The following MAP3K21 variants were observed in gnomAD, a reference collection of about 807,000 sequenced individuals.
MAP3K21 encodes mitogen-activated protein kinase kinase kinase 21, also known as mitogen-activated protein kinase kinase kinase MLK4.
MAP3K21 carries 63 observed loss-of-function variants against 86.1 expected under a neutral mutation model. The ratio of observed to expected loss-of-function variants is 0.73; its 90% CI spans 0.60 to 0.90. MAP3K21 has a LOEUF of 0.90. Among genes scored for constraint, MAP3K21 ranks in the 40% least tolerant of loss-of-function variants. MAP3K21 has a pLI of 0.00. For synonymous variants in MAP3K21, 558 were observed against 564.8 expected (o/e 0.99, Z 0.17); for missense variants, 1,220 against 1,367.7 (o/e 0.89, Z 1.70).
chr1:233,375,497 T>C (rs1289970270), intron 6 of MAP3K21, among the ~76,000 whole-genome samples: 1 of 152,180 alleles, frequency 6.6e-6, no homozygotes, highest in African/African-American at 2.4e-5. Flanking sequence ...GAAATTACAA[T>C]TTAAAAATAT....
At chr1:233,337,026 G>A (rs1215512529) in intron 1 of MAP3K21, among the ~76,000 whole-genome samples, 1 of 152,200 alleles carries the variant, frequency 6.6e-6, no homozygotes, top group Non-Finnish European at 1.5e-5. Context: ...GGTGTTATTT[G>A]TGGTAGTAGG....
chr1:233,354,921 T>G lies in MAP3K21; in HGVS notation c.1221T>G (p.Thr407=), dbSNP rs1269074184. ...QLTAIEGAVM[T]EMPQESFHSM... ...CTGCTATTGAAGGGGCAGTGATGACTGAGATGCCTCAAGAATCTTTTCATT... is the reference window on the plus strand; with the variant it reads ...CTGCTATTGAAGGGGCAGTGATGACGGAGATGCCTCAAGAATCTTTTCATT... Residue 407 remains threonine (T), a synonymous_variant, in exon 4 of 10, where the codon ACT becomes ACG. Transcript: ENST00000366624. 6.2e-7 allele frequency: 1 copy of G among 1,613,812 alleles called. No homozygotes were observed. Among genetic ancestry groups the G allele is most frequent in the African/African-American group, 1.3e-5 (1 of 74,936 alleles).
rs748005318 is a variant in MAP3K21 at position 233,328,042 on chromosome 1, G to T, written c.14G>T (p.Gly5Val). The change falls in exon 1 of 10, where the codon GGC (glycine) becomes GTC (valine). Residue 5 changes from glycine (G) to valine (V), a missense_variant. Physicochemically the swap from Gly to Val is moderately radical, Grantham distance 109. Around this residue, in one of 5 missense-constraint regions of MAP3K21, gnomAD observed 369 missense variants for 385.3 expected, o/e 0.96. Coordinates refer to ENST00000366624, the MANE Select transcript of MAP3K21 (RefSeq NM_032435.3). The surrounding 1 kb of genome is among the most constrained non-coding windows in gnomAD (Gnocchi z 8.7). MALR[G>V]AAGATDTPVS... ...GCAGCTGCCCCCATGGCTTTGCGGG[G>T]CGCCGCGGGAGCGACCGACACCCCG... 1.5e-6 allele frequency: 2 copies of T among 1,308,922 alleles called. No individual in the cohort carries two copies. The allele number at this position is 1,308,922 out of a possible 1,614,324, so 81.1% of individuals were successfully genotyped here. A position where few individuals can be genotyped will look rare whatever the true frequency, so the allele number is the denominator to read the frequency against.
intron 4 of MAP3K21, among the ~76,000 whole-genome samples, chr1:233,356,875 G>A (rs1317581635): frequency 3.9e-5 from 6 of 152,126 alleles, no homozygotes; most frequent in African/African-American, 7.2e-5. Flanking sequence ...AAGTTCCCAC[G>A]ACATATTTCT....
chr1:233,339,119 G>T (rs1662968159), intron 1 of MAP3K21, among the ~76,000 whole-genome samples: 2 of 152,118 alleles, frequency 1.3e-5, no homozygotes, highest in Non-Finnish European at 2.9e-5. Flanking sequence ...AGGGAAGAAT[G>T]ATCAACCGTA....
chr1:233,354,688 T>A, intron 3 of MAP3K21, 148 bp from the exon 4 acceptor site: 2 of 669,816 alleles, frequency 3.0e-6, no homozygotes, highest in South Asian at 3.8e-5. Flanking sequence ...AATGGATTCT[T>A]AAAATCTTCA....
intron 1 of MAP3K21, among the ~76,000 whole-genome samples, chr1:233,339,409 TCCTCCTC>T (rs1662991932): frequency 1.1e-5 from 1 of 87,318 alleles, no homozygotes. Context: ...CTCCTCCTCC[TCCTCCTC>T]CTTCTCCTCC....
intron 8 of MAP3K21, among the ~76,000 whole-genome samples, chr1:233,378,180 T>C (rs1663834658): frequency 6.6e-6 from 1 of 152,206 alleles, no homozygotes; most frequent in Non-Finnish European, 1.5e-5. Flanking sequence ...AAATTAGAGA[T>C]GTTATTTGGA....
In MAP3K21 at chr1:233,359,514, G is replaced by A. The variant is rs1663427513; in HGVS notation, c.1312-2539G>A. Among the ~76,000 whole-genome samples the A allele has an allele frequency of 2.0e-5, 3 of 152,154 alleles. No individual in the cohort carries two copies. The South Asian group carries it at 6.2e-4, about 32-fold the overall frequency. On this transcript the variant is annotated intron_variant, in intron 4 of 9. Coordinates refer to ENST00000366624, the MANE Select transcript of MAP3K21 (RefSeq NM_032435.3). ...GTCCACAGATTGCTTAAGGTAGGAG[G>A]CATCAGACTTGGAATTAATGGTGAG...
chr1:233,346,022 A>G (rs1253129675), intron 1 of MAP3K21, among the ~76,000 whole-genome samples: 2 of 152,344 alleles, frequency 1.3e-5, no homozygotes, highest in East Asian at 1.9e-4. Context: ...ATAATGTTTG[A>G]TAATAATCAG....
intron 8 of MAP3K21, among the ~76,000 whole-genome samples, chr1:233,377,815 A>G (rs1294802581): frequency 1.3e-5 from 2 of 152,176 alleles, no homozygotes; most frequent in African/African-American, 2.4e-5. Flanking sequence ...TTGTTTTCCT[A>G]CAACTAGATG....
At chr1:233,348,017 T>C (rs552453864) in intron 2 of MAP3K21, among the ~76,000 whole-genome samples, 1 of 152,322 alleles carries the variant, frequency 6.6e-6, no homozygotes, top group South Asian at 2.1e-4. Flanking sequence ...ACGAAACTGA[T>C]GCATTTAAAT....
rs1663965023 is a variant in MAP3K21 at position 233,384,123 on chromosome 1, A to C, written c.*1412A>C. 1 of 152,216 alleles carries C rather than the reference A, an allele frequency of 6.6e-6. No homozygotes were observed. The highest frequency in any genetic ancestry group is 1.5e-5 in the Non-Finnish European group (1 of 68,020). 9.4% of individuals were successfully genotyped at this position (152,216 alleles called of 1,614,324 possible). ...AACAATGAAAAACTAAATTAAAAAC[A>C]TTGCTTGATATTTCATTTAAAATTG... On this transcript the variant is annotated 3_prime_UTR_variant, in exon 10 of 10. Coordinates refer to ENST00000366624, the MANE Select transcript of MAP3K21 (RefSeq NM_032435.3).
chr1:233,341,627 G>A (rs1663041398), intron 1 of MAP3K21, among the ~76,000 whole-genome samples: 1 of 152,160 alleles, frequency 6.6e-6, no homozygotes, highest in African/African-American at 2.4e-5. Context: ...AATGAAGTTT[G>A]TTAGTGTTTG....
intron 1 of MAP3K21, among the ~76,000 whole-genome samples, chr1:233,345,559 A>G (rs890546932): frequency 1.1e-4 from 16 of 149,600 alleles, no homozygotes; most frequent in Admixed American, 2.7e-4. Context: ...AGGGTGGGGA[A>G]CATCACAAAC....
intron 1 of MAP3K21, among the ~76,000 whole-genome samples, chr1:233,340,903 G>C (rs1321179921): frequency 6.6e-6 from 1 of 152,044 alleles, no homozygotes; most frequent in East Asian, 1.9e-4. Context: ...TGGACACAGT[G>C]ATCCCATCAA....
intron 4 of MAP3K21, 116 bp from the exon 5 acceptor site, chr1:233,361,937 C>T: frequency 7.7e-7 from 1 of 1,293,116 alleles, no homozygotes; most frequent in Non-Finnish European, 1.0e-6. Flanking sequence ...GGAATTTCAG[C>T]TTCTCCTTGT....
At chr1:233,346,920 A>T (rs2102763845) in intron 2 of MAP3K21, among the ~76,000 whole-genome samples, 1 of 152,336 alleles carries the variant, frequency 6.6e-6, no homozygotes, top group Non-Finnish European at 1.5e-5. Context: ...AGTAAATTAA[A>T]GTGAATTTTC....
At chr1:233,366,143 G>A (rs1663569121) in intron 5 of MAP3K21, among the ~76,000 whole-genome samples, 1 of 152,080 alleles carries the variant, frequency 6.6e-6, no homozygotes, top group Non-Finnish European at 1.5e-5. Flanking sequence ...GAAAAAAATT[G>A]GAGTCCGTGG....
Sources: allele counts gnomAD v4.1 joint callset (sites outside exome capture counted in the v4.1 genomes callset), GRCh38; gene constraint gnomAD v4.1.1; regional missense constraint gnomAD v4.1.1; non-coding constraint Gnocchi (gnomAD v3.1); transcripts MANE v1.5; gene names NCBI Gene and HGNC (gene_info 2026-07-23, HGNC 2026-07-21).